Variants in PRKN observed in about 807,000 individuals in gnomAD.
The protein encoded by PRKN is parkin RBR E3 ubiquitin protein ligase, also known as E3 ubiquitin-protein ligase parkin.
A neutral mutation model predicts 59.5 loss-of-function variants in PRKN; 56 were observed. The observed-to-expected ratio is 0.94, with a 90% CI of 0.76 to 1.18. The LOEUF is 1.18. PRKN is among the 50% of genes most tolerant of loss of function. The pLI, the probability that PRKN is intolerant of heterozygous loss-of-function variation, is 0.00. For synonymous variants in PRKN, 250 were observed against 222.1 expected, an observed-to-expected ratio of 1.13 and a Z score of -1.12; for missense variants, 657 against 596.4, an observed-to-expected ratio of 1.10 and a Z score of -1.06.
At chr6:162,273,793 CT>C (rs1319717356) in intron 2 of PRKN, among the ~76,000 whole-genome samples, 1 of 152,138 alleles carries the variant, frequency 6.6e-6, no homozygotes, top group African/African-American at 2.4e-5. Flanking sequence ...TATTCATCAC[CT>C]TATTCAACAA....
chr6:161,479,909 C>T (rs768013363), intron 9 of PRKN, among the ~76,000 whole-genome samples: 22 of 152,118 alleles, frequency 1.4e-4, no homozygotes, highest in Non-Finnish European at 2.5e-4. Context: ...TTAGACCAGG[C>T]CACACGATTT....
rs1785552401 is a variant in PRKN, at chr6:161,374,120, G to A, written c.1167+12674C>T. 1.3e-5 allele frequency among the ~76,000 whole-genome samples: 2 copies of A among 152,308 alleles called. 1 individual carries two copies. The highest frequency in any genetic ancestry group is 4.1e-4 in the South Asian group (2 of 4,828). The stretch of plus-strand genomic sequence containing the variant: ...GAGTGGGGTGTGCAGAGAATTGCCA[G>A]GGGCGCTTTCCTTTGAGGAGCTCCA... On this transcript the variant is annotated intron_variant, in intron 10 of 11. Coordinates refer to ENST00000366898, the MANE Select transcript of PRKN (RefSeq NM_004562.3).
chr6:162,673,523 C>T (rs574817413), intron 1 of PRKN, among the ~76,000 whole-genome samples: 7 of 152,264 alleles, frequency 4.6e-5, no homozygotes, highest in African/African-American at 1.7e-4. Context: ...GTAGTTGGAA[C>T]TACAGGCGCA....
rs1374250734 is a variant in PRKN, at chr6:161,349,389, A to C, written c.*710T>G. Reference sequence around the variant, plus strand: ...AACTTGATTTCTTCCCTGTAATTCAAACATTCAACATTCAAATTAACTTTC... The same window carrying C: ...AACTTGATTTCTTCCCTGTAATTCACACATTCAACATTCAAATTAACTTTC... On this transcript the variant is annotated 3_prime_UTR_variant, in exon 12 of 12. Coordinates refer to ENST00000366898, the MANE Select transcript of PRKN (RefSeq NM_004562.3). This position sits in a 1 kb window ranked among gnomAD's most constrained non-coding sequence, Gnocchi z 5.5. 1 of 231,250 alleles carries C rather than the reference A, an allele frequency of 4.3e-6. No individual in the cohort carries two copies. The highest frequency in any genetic ancestry group is 2.2e-5 in the African/African-American group (1 of 45,276). The allele number at this position is 231,250 out of a possible 1,614,324, so 14.3% of individuals were successfully genotyped here. A position where few individuals can be genotyped will look rare whatever the true frequency, so the allele number is the denominator to read the frequency against.
intron 2 of PRKN, among the ~76,000 whole-genome samples, chr6:162,362,004 TCAGATTTTCAACAATGAATTGCTCA>T (rs1785165279): frequency 6.6e-6 from 1 of 152,214 alleles, no homozygotes; most frequent in Non-Finnish European, 1.5e-5. Context: ...TGTGCAGCTC[TCAGATTTTCAACAATGAATTGCTCA>T]CATTCTACAC....
At chr6:161,595,743 T>C (rs749614747) in intron 7 of PRKN, among the ~76,000 whole-genome samples, 6 of 152,270 alleles carry the variant, frequency 3.9e-5, no homozygotes, top group Admixed American at 6.5e-5. Context: ...GGGGATCACA[T>C]TATTTGCAGT....
chr6:162,460,298 T>C (rs953157642), intron 1 of PRKN, among the ~76,000 whole-genome samples: 4 of 152,200 alleles, frequency 2.6e-5, no homozygotes, highest in Admixed American at 2.6e-4. Flanking sequence ...TGATATTGAA[T>C]GTCTAGAGTT....
chr6:161,727,866 AC>A (rs1400811132), intron 7 of PRKN, among the ~76,000 whole-genome samples: 5 of 152,220 alleles, frequency 3.3e-5, no homozygotes, highest in Admixed American at 6.5e-5. Context: ...ATTCCTACTT[AC>A]TTTTCTCTGA....
At chr6:161,594,964 C>T (rs1781861600) in intron 7 of PRKN, among the ~76,000 whole-genome samples, 1 of 152,204 alleles carries the variant, frequency 6.6e-6, no homozygotes, top group South Asian at 2.1e-4. Flanking sequence ...TCTTCAACTA[C>T]ATGAACACTG....
At chr6:162,475,492 T>C (rs1402081244) in intron 1 of PRKN, among the ~76,000 whole-genome samples, 2 of 152,114 alleles carry the variant, frequency 1.3e-5, no homozygotes, top group Non-Finnish European at 2.9e-5. Context: ...AGACAAAAAA[T>C]GCAGTGAGAA....
intron 7 of PRKN, among the ~76,000 whole-genome samples, chr6:161,671,252 T>G (rs1027151555): frequency 6.6e-6 from 1 of 152,058 alleles, no homozygotes; most frequent in African/African-American, 2.4e-5. Flanking sequence ...GCAGTGCACC[T>G]CCTTCTTAGT....
At chr6:161,975,846 T>A (rs1218401889) in intron 5 of PRKN, among the ~76,000 whole-genome samples, 1 of 152,150 alleles carries the variant, frequency 6.6e-6, no homozygotes, top group Non-Finnish European at 1.5e-5. Flanking sequence ...TCGCTTACCG[T>A]GTCTGAAAAT....
intron 7 of PRKN, among the ~76,000 whole-genome samples, chr6:161,625,948 T>C (rs915842326): frequency 6.6e-6 from 1 of 152,122 alleles, no homozygotes; most frequent in African/African-American, 2.4e-5. Context: ...TCATCCAGTA[T>C]AAGAAGTTGG....
chr6:162,153,493 T>C (rs1441273654), intron 4 of PRKN, among the ~76,000 whole-genome samples: 1 of 152,170 alleles, frequency 6.6e-6, no homozygotes, highest in African/African-American at 2.4e-5. Context: ...GCCCTTTGCC[T>C]CATGGAGTGC....
At chr6:162,005,103 G>T (rs541533138) in intron 5 of PRKN, among the ~76,000 whole-genome samples, 1 of 152,218 alleles carries the variant, frequency 6.6e-6, no homozygotes, top group Non-Finnish European at 1.5e-5. Context: ...GAAAAAGAAA[G>T]CTAATATAAA....
intron 6 of PRKN, among the ~76,000 whole-genome samples, chr6:161,963,927 CTG>C (rs1378007874): frequency 6.6e-6 from 1 of 152,120 alleles, no homozygotes; most frequent in African/African-American, 2.4e-5. Context: ...GGAGGCAGCT[CTG>C]TATTTTTCTA....
chr6:162,330,184 T>C (rs1411335992), intron 2 of PRKN, among the ~76,000 whole-genome samples: 2 of 152,306 alleles, frequency 1.3e-5, no homozygotes, highest in African/African-American at 2.4e-5. Context: ...CCAGTGCTTA[T>C]CATGTGCCTC....
chr6:161,557,517 A>G (rs1780281653), intron 8 of PRKN, among the ~76,000 whole-genome samples: 1 of 152,110 alleles, frequency 6.6e-6, no homozygotes, highest in Non-Finnish European at 1.5e-5. Flanking sequence ...CATTAAAGGA[A>G]CATGGGTAGT....
intron 2 of PRKN, among the ~76,000 whole-genome samples, chr6:162,377,883 T>TGC (rs1786205975): frequency 6.6e-6 from 1 of 152,140 alleles, no homozygotes; most frequent in Non-Finnish European, 1.5e-5. Context: ...CAATGTGGAA[T>TGC]TTCAAGTGAA....
Sources: allele counts gnomAD v4.1 joint callset (sites outside exome capture counted in the v4.1 genomes callset), GRCh38; gene constraint gnomAD v4.1.1; non-coding constraint Gnocchi (gnomAD v3.1); transcripts MANE v1.5; gene names NCBI Gene and HGNC (gene_info 2026-07-23, HGNC 2026-07-21).